Variants in TYW1 observed in about 807,000 individuals in gnomAD.
The protein encoded by TYW1 is tRNA-yW synthesizing protein 1 homolog.
Under a neutral mutation model 96.2 loss-of-function variants are expected in TYW1, and 46 were observed. The observed-to-expected ratio is 0.48, with a 90% confidence interval of 0.38 to 0.61. TYW1 has a LOEUF of 0.61. Among genes scored for constraint, TYW1 ranks in the 20% least tolerant of loss-of-function variants. The pLI, the probability that TYW1 is intolerant of heterozygous loss-of-function variation, is 0.00. For synonymous variants in TYW1, 274 were observed against 323.0 expected, an observed-to-expected ratio of 0.85 and a Z score of 1.63; for missense variants, 684 against 909.6, an observed-to-expected ratio of 0.75 and a Z score of 3.19.
chr7:67,165,179 T>C (rs1396274775), intron 13 of TYW1, among the ~76,000 whole-genome samples: 2 of 152,252 alleles, frequency 1.3e-5, no homozygotes, highest in Admixed American at 1.3e-4. Flanking sequence ...ACCTCATTAC[T>C]GCTTCAATTT....
chr7:67,042,350 C>G (rs1346689561), intron 7 of TYW1, among the ~76,000 whole-genome samples: 1 of 147,890 alleles, frequency 6.8e-6, no homozygotes, highest in Admixed American at 6.8e-5. Context: ...AAGACTTCTT[C>G]TAGGACTGAA....
At chr7:67,116,829 G>A (rs752828781) in intron 12 of TYW1, among the ~76,000 whole-genome samples, 1 of 152,148 alleles carries the variant, frequency 6.6e-6, no homozygotes, top group African/African-American at 2.4e-5. Context: ...GTAAAGGCAA[G>A]GAAAATAAGA....
chr7:67,010,090 T>C (rs1793740466), intron 4 of TYW1, among the ~76,000 whole-genome samples: 1 of 151,730 alleles, frequency 6.6e-6, no homozygotes, highest in Non-Finnish European at 1.5e-5. Context: ...CAAGTGATTC[T>C]CCTGCCTCAG....
At chr7:67,222,774 G>A (rs1051865049) in intron 15 of TYW1, among the ~76,000 whole-genome samples, 24 of 150,362 alleles carry the variant, frequency 1.6e-4, no homozygotes, top group Admixed American at 6.0e-4. Flanking sequence ...TCTCTCTGTC[G>A]TCTTCTGTCT....
rs552642727 is a variant in TYW1 at position 67,032,345 on chromosome 7, G to A, written c.984+7323G>A. On this transcript the variant is annotated intron_variant, in intron 7 of 15. Coordinates refer to ENST00000359626, the MANE Select transcript of TYW1 (RefSeq NM_018264.4). Reference sequence around the variant, plus strand: ...GATAAACAGAAGTAGGAGGCCTGGCGTGCTGAATTGCACATGTAATCCCAG... The same window carrying A: ...GATAAACAGAAGTAGGAGGCCTGGCATGCTGAATTGCACATGTAATCCCAG... Among the ~76,000 whole-genome samples the A allele has an allele frequency of 3.9e-5, 6 of 152,190 alleles. No homozygotes were observed. The South Asian group carries it at 8.3e-4, about 21-fold the overall frequency.
At chr7:67,227,457 A>G (rs1160798707) in intron 15 of TYW1, among the ~76,000 whole-genome samples, 1 of 152,068 alleles carries the variant, frequency 6.6e-6, no homozygotes, top group Non-Finnish European at 1.5e-5. Flanking sequence ...GAGTTTCACC[A>G]TGTTGGCCAG....
At chr7:67,191,460 A>G (rs184319900) in intron 14 of TYW1, among the ~76,000 whole-genome samples, 3 of 151,870 alleles carry the variant, frequency 2.0e-5, no homozygotes, top group Admixed American at 1.3e-4. Context: ...TGGCTTTTCC[A>G]TCACCACGCT....
chr7:67,190,394 G>T (rs1405448294), intron 14 of TYW1, among the ~76,000 whole-genome samples: 1 of 152,220 alleles, frequency 6.6e-6, no homozygotes, highest in Non-Finnish European at 1.5e-5. Flanking sequence ...GATTTGGGGT[G>T]CCAAGAAGAG....
intron 14 of TYW1, among the ~76,000 whole-genome samples, chr7:67,189,976 CTT>C (rs1440874690): frequency 2.7e-5 from 4 of 148,180 alleles, no homozygotes; most frequent in African/African-American, 7.5e-5. Context: ...TTGCTGAAAA[CTT>C]TTGTAACACA....
chr7:67,020,943 G>A (rs185418608), intron 6 of TYW1, among the ~76,000 whole-genome samples: 3 of 152,388 alleles, frequency 2.0e-5, no homozygotes, highest in East Asian at 1.9e-4. Flanking sequence ...CAGGAGAATC[G>A]CTTGAACTTG....
intron 13 of TYW1, among the ~76,000 whole-genome samples, chr7:67,129,138 G>C (rs927446381): frequency 3.3e-5 from 5 of 152,216 alleles, no homozygotes; most frequent in Non-Finnish European, 7.3e-5. Context: ...GTGCTGGCTG[G>C]AGTTGGGTAT....
At chr7:67,001,950 C>T (rs1793407388) in intron 3 of TYW1, among the ~76,000 whole-genome samples, 1 of 151,530 alleles carries the variant, frequency 6.6e-6, no homozygotes, top group Non-Finnish European at 1.5e-5. Flanking sequence ...AGAAGAATTG[C>T]TTGAATCTGG....
intron 14 of TYW1, among the ~76,000 whole-genome samples, chr7:67,184,196 C>G (rs1231733154): frequency 6.6e-6 from 1 of 152,136 alleles, no homozygotes; most frequent in Admixed American, 6.6e-5. Context: ...TTTTAATTTC[C>G]TCTTCTATGT....
intron 13 of TYW1, among the ~76,000 whole-genome samples, chr7:67,180,411 TA>T (rs1346284968): frequency 7.6e-5 from 9 of 117,726 alleles, no homozygotes; most frequent in African/African-American, 2.5e-4. Flanking sequence ...TATATTTATA[TA>T]TATATATATA....
chr7:67,015,362 TATTTTTTCAG>T (rs1044391306), intron 5 of TYW1, among the ~76,000 whole-genome samples: 14 of 152,216 alleles, frequency 9.2e-5, no homozygotes, highest in African/African-American at 3.4e-4. Flanking sequence ...AAATTATGTT[TATTTTTTCAG>T]GACAGGGTCT....
chr7:67,132,190 A>G (rs2116059997), intron 13 of TYW1, among the ~76,000 whole-genome samples: 1 of 149,248 alleles, frequency 6.7e-6, no homozygotes, highest in South Asian at 2.2e-4. Context: ...GGCTCACCAC[A>G]GCCTTGAACT....
intron 13 of TYW1, among the ~76,000 whole-genome samples, chr7:67,155,226 A>C (rs910031148): frequency 1.3e-5 from 2 of 152,204 alleles, no homozygotes; most frequent in Non-Finnish European, 2.9e-5. Context: ...TCATGTTGAA[A>C]TGTGATCCCC....
intron 6 of TYW1, among the ~76,000 whole-genome samples, chr7:67,019,823 AT>A (rs1469036281): frequency 6.6e-6 from 1 of 152,292 alleles, no homozygotes; most frequent in Non-Finnish European, 1.5e-5. Context: ...TAGCGATAAT[AT>A]TGATTAGTGA....
In TYW1 at chr7:67,192,521, T is replaced by G. The variant is rs1431215195; in HGVS notation, c.1810-2649T>G. On this transcript the variant is annotated intron_variant, in intron 14 of 15. Coordinates refer to ENST00000359626, the MANE Select transcript of TYW1 (RefSeq NM_018264.4). ...CATGGTTGTTTGTGTAATCCACACATAAGCAGTATTTAAATTGAGGTAGAG... is the reference window on the plus strand; with the variant it reads ...CATGGTTGTTTGTGTAATCCACACAGAAGCAGTATTTAAATTGAGGTAGAG... Among the ~76,000 whole-genome samples the G allele has an allele frequency of 3.3e-5, 5 of 152,360 alleles. No homozygotes were observed. The East Asian group carries it at 5.8e-4, about 18-fold the overall frequency.
Sources: gnomAD v4.1 joint callset for allele counts (sites outside exome capture counted in the v4.1 genomes callset) on GRCh38, gnomAD v4.1.1 for gene constraint, MANE v1.5 for transcripts, NCBI Gene and HGNC (gene_info 2026-07-23, HGNC 2026-07-21) for gene names.